DTWD2: variants seen among roughly 807,000 people sequenced by gnomAD.
The protein encoded by DTWD2 is tRNA-uridine aminocarboxypropyltransferase 2.
DTWD2 carries 39 observed loss-of-function variants against 31.8 expected under a neutral mutation model. That is an observed-to-expected ratio of 1.22 (90% CI 0.95 to 1.60). The LOEUF (loss-of-function observed/expected upper bound fraction) is 1.60, where lower values mean the gene tolerates loss of function less well. Among genes scored for constraint, DTWD2 ranks in the 40% most tolerant of loss-of-function variants. DTWD2 has a pLI of 0.00. For synonymous variants in DTWD2, 180 were observed against 142.8 expected, an observed-to-expected ratio of 1.26 and a Z score of -1.86; for missense variants, 515 against 381.5, an observed-to-expected ratio of 1.35 and a Z score of -2.92.
At chr5:118,895,075 G>C (rs1753052842) in intron 4 of DTWD2, among the ~76,000 whole-genome samples, 1 of 151,992 alleles carries the variant, frequency 6.6e-6, no homozygotes, top group South Asian at 2.1e-4. Flanking sequence ...AGTCAAATTA[G>C]CCTTGTTTGC....
intron 1 of DTWD2, among the ~76,000 whole-genome samples, chr5:118,953,101 A>G (rs1287458377): frequency 1.3e-5 from 2 of 152,188 alleles, no homozygotes; most frequent in Non-Finnish European, 2.9e-5. Flanking sequence ...ATTAAACTAG[A>G]CAGCTGAGCC....
intron 4 of DTWD2, among the ~76,000 whole-genome samples, chr5:118,869,975 C>A (rs1412793528): frequency 6.6e-6 from 1 of 152,122 alleles, no homozygotes; most frequent in Non-Finnish European, 1.5e-5. Context: ...CACACAAGAG[C>A]TGGTGGTTTA....
intron 4 of DTWD2, among the ~76,000 whole-genome samples, chr5:118,886,777 A>G (rs561780202): frequency 2.6e-5 from 4 of 152,338 alleles, no homozygotes; most frequent in Non-Finnish European, 5.9e-5. Context: ...CTGCATGTGA[A>G]TCTACAATTA....
At chr5:118,946,915 T>C (rs1179790189) in intron 1 of DTWD2, among the ~76,000 whole-genome samples, 1 of 152,176 alleles carries the variant, frequency 6.6e-6, no homozygotes, top group Non-Finnish European at 1.5e-5. Flanking sequence ...TAATTTTTTA[T>C]ATTTTCAGTA....
chr5:118,858,655 A>T (rs1752192699), intron 4 of DTWD2, among the ~76,000 whole-genome samples: 1 of 152,158 alleles, frequency 6.6e-6, no homozygotes, highest in African/African-American at 2.4e-5. Context: ...CTTTTTTTAA[A>T]ACTATATTAA....
chr5:118,938,212 A>C (rs1165702261), intron 3 of DTWD2, among the ~76,000 whole-genome samples: 2 of 152,190 alleles, frequency 1.3e-5, no homozygotes, highest in African/African-American at 4.8e-5. Context: ...GCAATGCGGC[A>C]AGGAAAAAAA....
Position 118,939,198 on chromosome 5 carries a change from T to A in DTWD2, c.402A>T (p.Glu134Asp), listed in dbSNP as rs111897317. ...CATTGCCCTAACAGTTAATTTACCT[T>A]TCTTCACTGAAGCGACGACCGATCT... ...KVKIGRRFSE[E>D]RDPELSTVCR... is the part of the protein sequence containing the mutation. Residue 134 changes from glutamate to aspartate, a missense_variant and splice_region_variant, in exon 3 of 6, where the codon GAA becomes GAT. Transcript: ENST00000510708. The A allele has an allele frequency of 8.7e-6, 14 of 1,601,118 alleles. No individual in the cohort carries two copies. The South Asian group carries it at 1.6e-4, about 18-fold the overall frequency.
intron 1 of DTWD2, among the ~76,000 whole-genome samples, chr5:118,949,918 A>G (rs1162374827): frequency 6.6e-6 from 1 of 152,102 alleles, no homozygotes; most frequent in Non-Finnish European, 1.5e-5. Context: ...ACAAAAGAAT[A>G]TTGTCTAAGC....
At chr5:118,952,029 G>A (rs1754476405) in intron 1 of DTWD2, among the ~76,000 whole-genome samples, 1 of 152,234 alleles carries the variant, frequency 6.6e-6, no homozygotes, top group South Asian at 2.1e-4. Context: ...ATTAAGGGAA[G>A]GGAGAGATTG....
At chr5:118,919,474 A>T (rs1407337512) in intron 4 of DTWD2, among the ~76,000 whole-genome samples, 1 of 152,222 alleles carries the variant, frequency 6.6e-6, no homozygotes, top group Non-Finnish European at 1.5e-5. Context: ...GCTCTGGATC[A>T]ACACACAATC....
intron 3 of DTWD2, 22 bp from the exon 4 acceptor site, chr5:118,928,751 A>G (rs776811966): frequency 4.0e-5 from 60 of 1,498,866 alleles, no homozygotes; most frequent in Non-Finnish European, 5.2e-5. Flanking sequence ...TTTTAAAAAT[A>G]TATCTTTATT....
In DTWD2 at chr5:118,988,444, G is replaced by A. The variant is rs752163453; in HGVS notation, c.68C>T (p.Ser23Phe). ...PVARPSGASS[S>F]QTPNDKERRE... ...CCGCTCCTTGTCGTTCGGCGTCTGAGAGCTTGAGGCCCCAGAAGGCCGCGC... is the reference window on the plus strand; with the variant it reads ...CCGCTCCTTGTCGTTCGGCGTCTGAAAGCTTGAGGCCCCAGAAGGCCGCGC... Residue 23 changes from serine (S) to phenylalanine (F), a missense_variant, in exon 1 of 6, where the codon TCT becomes TTT. Physicochemically the swap from Ser to Phe is radical, Grantham distance 155 (BLOSUM62 -2). Transcript: ENST00000510708. 1.1e-5 allele frequency: 17 copies of A among 1,607,170 alleles called. No homozygotes were observed. Among genetic ancestry groups the A allele is most frequent in the Non-Finnish European group, 1.4e-5 (16 of 1,178,284 alleles).
chr5:118,850,211 C>A (rs1030115356), intron 4 of DTWD2, among the ~76,000 whole-genome samples: 1 of 150,584 alleles, frequency 6.6e-6, no homozygotes, highest in Admixed American at 6.6e-5. Flanking sequence ...CACCTGTAAT[C>A]CCAGCACTTT....
chr5:118,970,519 G>A (rs931735240), intron 1 of DTWD2, among the ~76,000 whole-genome samples: 19 of 152,178 alleles, frequency 1.2e-4, no homozygotes, highest in African/African-American at 4.6e-4. Context: ...ACTGACTGGG[G>A]TACCTGAAAG....
intron 1 of DTWD2, among the ~76,000 whole-genome samples, chr5:118,973,604 TCCGC>T (rs1561477939): frequency 7.3e-5 from 10 of 136,952 alleles, no homozygotes; most frequent in African/African-American, 2.4e-4. Flanking sequence ...TTGTTCCTCG[TCCGC>T]CTCCTTGCTC....
intron 3 of DTWD2, among the ~76,000 whole-genome samples, chr5:118,932,407 T>C (rs1753944538): frequency 6.7e-6 from 1 of 149,486 alleles, no homozygotes. Context: ...GAGTAAAACC[T>C]AAGATGGAAA....
intron 4 of DTWD2, among the ~76,000 whole-genome samples, chr5:118,884,397 G>A (rs914488736): frequency 3.9e-5 from 6 of 152,150 alleles, no homozygotes; most frequent in African/African-American, 1.4e-4. Context: ...AGAAATCAGT[G>A]TCTATGAACC....
At chr5:118,844,170 G>A (rs548621985) in intron 5 of DTWD2, among the ~76,000 whole-genome samples, 1 of 152,308 alleles carries the variant, frequency 6.6e-6, no homozygotes, top group African/African-American at 2.4e-5. Flanking sequence ...TTTTAAAGTT[G>A]TAGCCTATCC....
intron 4 of DTWD2, among the ~76,000 whole-genome samples, chr5:118,899,799 C>CTTTTTTTTTTTT (rs1163738328): frequency 8.0e-6 from 1 of 124,906 alleles, no homozygotes; most frequent in Non-Finnish European, 1.7e-5. Flanking sequence ...TTCGTTTTTT[C>CTTTTTTTTTTTT]TTTTTTTTTT....
Sources: gnomAD v4.1 joint callset for allele counts (sites outside exome capture counted in the v4.1 genomes callset) on GRCh38, gnomAD v4.1.1 for gene constraint, MANE v1.5 for transcripts, NCBI Gene and HGNC (gene_info 2026-07-23, HGNC 2026-07-21) for gene names.